Variants in ICA1L observed in about 807,000 individuals in gnomAD.
ICA1L encodes the protein islet cell autoantigen 1-like protein.
In ICA1L, 50 loss-of-function variants were observed where a neutral mutation model predicts 61.3. The ratio of observed to expected loss-of-function variants is 0.82; its 90% CI spans 0.65 to 1.03. The LOEUF is 1.03. ICA1L is among the 50% of genes least tolerant of loss of function. The pLI is 0.00. For synonymous variants in ICA1L, 161 were observed against 191.3 expected (o/e 0.84, Z 1.31); for missense variants, 508 against 556.7 (o/e 0.91, Z 0.88).
chr2:202,805,775 AG>A (rs1194772657), intron 9 of ICA1L, among the ~76,000 whole-genome samples: 3 of 152,182 alleles, frequency 2.0e-5, no homozygotes, highest in Admixed American at 6.5e-5. Context: ...GAAATTTAAA[AG>A]GGGAGATAAC....
At chr2:202,847,670 C>A in intron 1 of ICA1L, among the ~76,000 whole-genome samples, 1 of 83,040 alleles carries the variant, frequency 1.2e-5, no homozygotes, top group South Asian at 3.3e-4. Flanking sequence ...TTTATCAGAG[C>A]TTAGAATGAA....
chr2:202,859,167 C>G (rs1468702701), intron 1 of ICA1L, among the ~76,000 whole-genome samples: 1 of 152,144 alleles, frequency 6.6e-6, no homozygotes, highest in Non-Finnish European at 1.5e-5. Context: ...AAAGACAAAC[C>G]AACAAGTGAC....
intron 5 of ICA1L, 184 bp downstream of exon 5, chr2:202,819,517 C>A: frequency 3.4e-6 from 2 of 580,260 alleles, no homozygotes; most frequent in Non-Finnish European, 6.1e-6. Context: ...GTGAAGATGC[C>A]ACTCCAGGAG....
At chr2:202,857,601 C>T (rs1694801233) in intron 1 of ICA1L, among the ~76,000 whole-genome samples, 1 of 152,242 alleles carries the variant, frequency 6.6e-6, no homozygotes, top group South Asian at 2.1e-4. Flanking sequence ...AAAGCAATGG[C>T]AACAGAAGCC....
At chr2:202,822,442 G>A (rs964765412) in intron 3 of ICA1L, among the ~76,000 whole-genome samples, 1 of 152,112 alleles carries the variant, frequency 6.6e-6, no homozygotes, top group African/African-American at 2.4e-5. Flanking sequence ...GGAATTACAG[G>A]CAGGCACGAG....
intron 1 of ICA1L, among the ~76,000 whole-genome samples, chr2:202,858,640 A>G (rs1480562981): frequency 1.3e-5 from 2 of 152,372 alleles, no homozygotes; most frequent in Non-Finnish European, 2.9e-5. Context: ...AGTAAAAGTT[A>G]AAAAAGAAAC....
Position 202,796,922 on chromosome 2 carries a change from A to C in ICA1L, c.953T>G (p.Phe318Cys), listed in dbSNP as rs1394061776. 3 of 1,603,558 alleles carry C rather than the reference A, an allele frequency of 1.9e-6. No homozygotes were observed. Among genetic ancestry groups the C allele is most frequent in the Non-Finnish European group, 8.5e-7 (1 of 1,175,720 alleles). Residue 318 changes from phenylalanine to cysteine, a missense_variant, in exon 10 of 13, where the codon TTT becomes TGT. Physicochemically the swap from Phe to Cys is radical, Grantham distance 205. Coordinates refer to ENST00000358299, the MANE Select transcript of ICA1L (RefSeq NM_001288622.3). ...AGAGTTAGAAAACTGAGGTGCTCCAAATTCTCTCATTTGAGAATGTTTTTC... is the reference window on the plus strand; with the variant it reads ...AGAGTTAGAAAACTGAGGTGCTCCACATTCTCTCATTTGAGAATGTTTTTC... ...HNEKHSQMRE[F>C]GAPQFSNSEN...
chr2:202,839,421 C>T (rs1181073875), intron 1 of ICA1L, among the ~76,000 whole-genome samples: 6 of 150,594 alleles, frequency 4.0e-5, no homozygotes, highest in Non-Finnish European at 8.8e-5. Flanking sequence ...ATGGCATGAA[C>T]CTGGGAGGCA....
At chr2:202,793,294 T>C (rs1055052938) in intron 10 of ICA1L, among the ~76,000 whole-genome samples, 15 of 151,826 alleles carry the variant, frequency 9.9e-5, no homozygotes, top group African/African-American at 3.4e-4. Flanking sequence ...GACTGATTTC[T>C]ATAGAGAGAG....
chr2:202,866,264 A>G (rs1006609901), intron 1 of ICA1L, among the ~76,000 whole-genome samples: 1 of 152,126 alleles, frequency 6.6e-6, no homozygotes, highest in Non-Finnish European at 1.5e-5. Flanking sequence ...AGTTCATGTG[A>G]GAGCTGGCTG....
intron 1 of ICA1L, among the ~76,000 whole-genome samples, chr2:202,870,156 A>G (rs1050127050): frequency 1.3e-5 from 2 of 152,228 alleles, no homozygotes; most frequent in Admixed American, 1.3e-4. Context: ...GTTTGGCAGT[A>G]TAGTAGAACA....
At chr2:202,840,475 G>T in intron 1 of ICA1L, 1 of 512,316 alleles carries the variant, frequency 2.0e-6, no homozygotes, top group South Asian at 1.5e-5. Flanking sequence ...CGAGGCCATA[G>T]CTGAGGCTGG....
chr2:202,850,505 T>C (rs1053750114), intron 1 of ICA1L, among the ~76,000 whole-genome samples: 8 of 152,018 alleles, frequency 5.3e-5, no homozygotes, highest in Non-Finnish European at 1.0e-4. Context: ...CAAGTATCAA[T>C]AGCTGAATCA....
Position 202,798,583 on chromosome 2 carries a change from G to A in ICA1L, c.911-1619C>T, listed in dbSNP as rs1441902879. Among the ~76,000 whole-genome samples the A allele has an allele frequency of 2.6e-5, 4 of 152,174 alleles. No homozygotes were observed. The East Asian group carries it at 7.7e-4, about 29-fold the overall frequency. On this transcript the variant is annotated intron_variant, in intron 9 of 12. Transcript: ENST00000358299. ...TTAATAATTTGTACATATTTGTGGGGCACATGTGAAATTTCGCTATGTGTA... is the reference window on the plus strand; with the variant it reads ...TTAATAATTTGTACATATTTGTGGGACACATGTGAAATTTCGCTATGTGTA...
At chr2:202,791,827 A>C (rs147276173) in intron 10 of ICA1L, among the ~76,000 whole-genome samples, 3 of 152,030 alleles carry the variant, frequency 2.0e-5, no homozygotes, top group Non-Finnish European at 2.9e-5. Context: ...CCTGGGCAAC[A>C]AGAGCAAAAC....
At chr2:202,835,509 T>C (rs1005966890) in intron 1 of ICA1L, among the ~76,000 whole-genome samples, 2 of 151,682 alleles carry the variant, frequency 1.3e-5, no homozygotes, top group Non-Finnish European at 2.9e-5. Context: ...CCTGGCCAGA[T>C]TTATCAGATA....
At chr2:202,823,309 A>G (rs1164656926) in intron 3 of ICA1L, among the ~76,000 whole-genome samples, 1 of 152,168 alleles carries the variant, frequency 6.6e-6, no homozygotes, top group African/African-American at 2.4e-5. Context: ...GTTACTCCCA[A>G]CACATGTATT....
At chr2:202,855,787 G>A (rs1006489506) in intron 1 of ICA1L, among the ~76,000 whole-genome samples, 1 of 152,110 alleles carries the variant, frequency 6.6e-6, no homozygotes, top group African/African-American at 2.4e-5. Flanking sequence ...TAAAAAAAGA[G>A]GGACTCGGCT....
intron 1 of ICA1L, among the ~76,000 whole-genome samples, chr2:202,844,751 G>A (rs1242438324): frequency 6.6e-6 from 1 of 152,206 alleles, no homozygotes; most frequent in Non-Finnish European, 1.5e-5. Context: ...CGTCAAGAAT[G>A]AGAAAGATAT....
Sources: allele counts gnomAD v4.1 joint callset (sites outside exome capture counted in the v4.1 genomes callset), GRCh38; gene constraint gnomAD v4.1.1; transcripts MANE v1.5; gene names NCBI Gene and HGNC (gene_info 2026-07-23, HGNC 2026-07-21).